Variants in NAA16 observed in about 807,000 individuals in gnomAD.
The protein encoded by NAA16 is NARG1-like protein.
In NAA16, 97 loss-of-function variants were observed where a neutral mutation model predicts 110.3. The observed-to-expected ratio is 0.88, with a 90% CI of 0.75 to 1.04. The LOEUF (loss-of-function observed/expected upper bound fraction) is 1.04, where lower values mean the gene tolerates loss of function less well. Ranked by LOEUF, NAA16 falls within the 50% of genes least tolerant of loss-of-function variation. NAA16 has a pLI of 0.00. For synonymous variants in NAA16, 372 were observed against 330.6 expected, an observed-to-expected ratio of 1.13 and a Z score of -1.36; for missense variants, 1,017 against 1,005.1, an observed-to-expected ratio of 1.01 and a Z score of -0.16.
rs750422804 is a variant in NAA16, at chr13:41,367,403, A to T, written c.1540-36A>T. 3.3e-5 allele frequency: 48 copies of T among 1,440,728 alleles called. 1 individual carries two copies. In the East Asian group the frequency reaches 1.1e-3, roughly 33 times the overall value. 89.2% of individuals were successfully genotyped at this position (1,440,728 alleles called of 1,614,324 possible). A position where few individuals can be genotyped will look rare whatever the true frequency, so the allele number is the denominator to read the frequency against. ...TCTAAAGGTAGACATTATTGACATAAATGTAAAGGTTAATTTTGTGATTTT... is the reference window on the plus strand; with the variant it reads ...TCTAAAGGTAGACATTATTGACATATATGTAAAGGTTAATTTTGTGATTTT... On this transcript the variant is annotated intron_variant, in intron 13 of 19. Coordinates refer to ENST00000379406, the MANE Select transcript of NAA16 (RefSeq NM_024561.5).
intron 9 of NAA16, among the ~76,000 whole-genome samples, chr13:41,340,946 C>T (rs986077114): frequency 3.4e-4 from 51 of 152,212 alleles, no homozygotes; most frequent in African/African-American, 1.2e-3. Context: ...GGATTACAGG[C>T]GTGAGCCACC....
intron 11 of NAA16, 126 bp downstream of exon 11, chr13:41,358,599 A>G: frequency 6.8e-7 from 1 of 1,466,310 alleles, no homozygotes; most frequent in East Asian, 2.5e-5. Context: ...AATCCTGTGT[A>G]GTTTCATGTT....
intron 14 of NAA16, among the ~76,000 whole-genome samples, chr13:41,368,139 T>C (rs1230805636): frequency 6.6e-6 from 1 of 152,128 alleles, no homozygotes; most frequent in African/African-American, 2.4e-5. Flanking sequence ...TTGAGCTCCT[T>C]AGGAAAAAAT....
chr13:41,321,569 T>C (rs1430211452), intron 4 of NAA16, among the ~76,000 whole-genome samples: 2 of 152,242 alleles, frequency 1.3e-5, no homozygotes, highest in East Asian at 1.9e-4. Flanking sequence ...ATAAGGCTTT[T>C]ATAATGGAAA....
At chr13:41,355,735 T>C (rs2042965637) in intron 10 of NAA16, among the ~76,000 whole-genome samples, 1 of 152,162 alleles carries the variant, frequency 6.6e-6, no homozygotes, top group South Asian at 2.1e-4. Context: ...GGCTTAACCT[T>C]GTTTTAACAT....
intron 13 of NAA16, among the ~76,000 whole-genome samples, chr13:41,365,648 G>A (rs1188289225): frequency 1.3e-5 from 2 of 152,134 alleles, no homozygotes; most frequent in East Asian, 1.9e-4. Context: ...GAGTGGGTTC[G>A]CAAGACACAG....
intron 12 of NAA16, 64 bp downstream of exon 12, chr13:41,359,026 A>C: frequency 7.3e-7 from 1 of 1,377,332 alleles, no homozygotes; most frequent in South Asian, 1.7e-5. Context: ...AGTTTGTCTA[A>C]ATTAAGACAG....
At chr13:41,324,031 T>G (rs2139389774) in intron 5 of NAA16, among the ~76,000 whole-genome samples, 1 of 152,184 alleles carries the variant, frequency 6.6e-6, no homozygotes, top group South Asian at 2.1e-4. Flanking sequence ...TTTCACTTAC[T>G]CCTCCTTTGC....
chr13:41,323,382 G>T (rs1222710755), intron 5 of NAA16, among the ~76,000 whole-genome samples, 192 bp downstream of exon 5: 7 of 147,606 alleles, frequency 4.7e-5, no homozygotes, highest in African/African-American at 1.5e-4. Context: ...ACGGAGTCTC[G>T]CTCTGTCCCC....
intron 10 of NAA16, 62 bp downstream of exon 10, chr13:41,355,278 GCT>G: frequency 9.8e-7 from 1 of 1,023,500 alleles, no homozygotes; most frequent in South Asian, 1.4e-5. Flanking sequence ...TCACAGTAAT[GCT>G]CTTTTATGTA....
intron 8 of NAA16, among the ~76,000 whole-genome samples, chr13:41,335,842 A>T (rs1244239958): frequency 7.3e-6 from 1 of 137,706 alleles, no homozygotes; most frequent in South Asian, 2.4e-4. Context: ...AGGCTAAATC[A>T]TTCATGACAT....
At chr13:41,353,096 C>G (rs1338661359) in intron 9 of NAA16, among the ~76,000 whole-genome samples, 1 of 128,486 alleles carries the variant, frequency 7.8e-6, no homozygotes, top group Non-Finnish European at 1.7e-5. Flanking sequence ...AGCCTGGTGA[C>G]AGAGCGAGAC....
intron 10 of NAA16, among the ~76,000 whole-genome samples, chr13:41,356,665 A>G (rs1023893736): frequency 2.0e-5 from 3 of 152,220 alleles, no homozygotes; most frequent in African/African-American, 7.2e-5. Context: ...TGGTTGTTAT[A>G]TCTCCATAAG....
At chr13:41,337,123 G>T (rs1189214258) in intron 9 of NAA16, among the ~76,000 whole-genome samples, 2 of 152,164 alleles carry the variant, frequency 1.3e-5, no homozygotes, top group Non-Finnish European at 2.9e-5. Context: ...AATTGAGTTA[G>T]TGCAACAGTA....
rs1324685826 is a variant in NAA16, at chr13:41,330,178, G to GT, written c.812-1087dup. Among the ~76,000 whole-genome samples, 13 of 150,782 alleles carry GT rather than the reference G, an allele frequency of 8.6e-5. No individual in the cohort carries two copies. The East Asian group carries it at 9.7e-4, about 11-fold the overall frequency. ...CTCCAAATCATTAACAGAGAGCGAGGTTTTTTTTTGTTTTTTTGTTTTTGT... is the reference window on the plus strand; with the variant it reads ...CTCCAAATCATTAACAGAGAGCGAGGTTTTTTTTTTGTTTTTTTGTTTTTGT... On this transcript the variant is annotated intron_variant, in intron 7 of 19. Transcript: ENST00000379406.
At chr13:41,334,786 C>G (rs1047269871) in intron 8 of NAA16, among the ~76,000 whole-genome samples, 4 of 152,004 alleles carry the variant, frequency 2.6e-5, no homozygotes, top group Admixed American at 6.6e-5. Context: ...CTTGTCTGTC[C>G]CCTGGCAACT....
At chr13:41,361,844 A>G (rs1193577659) in intron 12 of NAA16, among the ~76,000 whole-genome samples, 187 bp from the exon 13 acceptor site, 2 of 152,238 alleles carry the variant, frequency 1.3e-5, no homozygotes, top group African/African-American at 4.8e-5. Flanking sequence ...AACTGAAACC[A>G]TGGAAGGTGA....
At position 41,358,960 on chromosome 13, in the gene NAA16, A is replaced by G; in HGVS notation, c.1408A>G (p.Arg470Gly). Residue 470 changes from arginine to glycine, a missense_variant and splice_region_variant, in exon 12 of 20, where the codon AGG (arginine) becomes GGG (glycine). By Grantham distance (125) the Arg-to-Gly change is moderately radical. Transcript: ENST00000379406. The part of the protein sequence containing the change: ...EAEEMCSKFT[R>G]EGTSAMENLN... ...AGAGGAAATGTGCTCCAAGTTCACAAGGGTAGGAAATAGCATGCATGAGCA... is the reference window on the plus strand; with the variant it reads ...AGAGGAAATGTGCTCCAAGTTCACAGGGGTAGGAAATAGCATGCATGAGCA... The G allele has an allele frequency of 6.2e-7, 1 of 1,601,274 alleles. No individual in the cohort carries two copies. Among genetic ancestry groups the G allele is most frequent in the African/African-American group, 1.3e-5 (1 of 74,906 alleles).
intron 6 of NAA16, 117 bp downstream of exon 6, chr13:41,325,968 G>T (rs1042773645): frequency 1.6e-5 from 12 of 731,424 alleles, no homozygotes; most frequent in Admixed American, 3.6e-5. Context: ...TTCCAAACAC[G>T]ATTATTAAGC....
Sources: gnomAD v4.1 joint callset for allele counts (sites outside exome capture counted in the v4.1 genomes callset) on GRCh38, gnomAD v4.1.1 for gene constraint, MANE v1.5 for transcripts, NCBI Gene and HGNC (gene_info 2026-07-23, HGNC 2026-07-21) for gene names.